ZNF536: variants seen among roughly 807,000 people sequenced by gnomAD.
ZNF536 encodes zinc finger protein 536.
In ZNF536, 13 loss-of-function variants were observed where a neutral mutation model predicts 84.5. That is an observed-to-expected ratio of 0.15 (90% CI 0.10 to 0.24). The LOEUF (loss-of-function observed/expected upper bound fraction) is 0.24, where lower values mean the gene tolerates loss of function less well. Among genes scored for constraint, ZNF536 ranks in the 10% least tolerant of loss-of-function variants. The pLI is 1.00. For missense variants in ZNF536, 1,536 were observed against 1,747.5 expected (o/e 0.88, Z 2.16); for synonymous variants, 811 against 742.5 (o/e 1.09, Z -1.50).
intron 1 of ZNF536, among the ~76,000 whole-genome samples, chr19:30,574,708 T>C (rs1015828102): frequency 1.3e-5 from 2 of 152,240 alleles, no homozygotes; most frequent in African/African-American, 4.8e-5. Context: ...GGCCAGGCCA[T>C]GTCACAGCAA....
In ZNF536 at chr19:30,324,235, T is replaced by C. The variant is rs529386310; in HGVS notation, c.-119-28133T>C. On this transcript the variant is annotated intron_variant, in intron 2 of 5. Coordinates refer to the ZNF536 transcript ENST00000585628. ...CCATCATCATCTGTCTAGCCATCCA[T>C]CCACCCATCCATCCATCCCATCCAT... Among the ~76,000 whole-genome samples the C allele has an allele frequency of 3.3e-5, 5 of 152,140 alleles. No homozygotes were observed. In the South Asian group the frequency reaches 1.0e-3, roughly 32 times the overall value.
intron 2 of ZNF536, among the ~76,000 whole-genome samples, chr19:30,446,463 A>G (rs540679909): frequency 6.6e-6 from 1 of 151,972 alleles, no homozygotes; most frequent in East Asian, 1.9e-4. Flanking sequence ...ATGAATGTGT[A>G]AGTTCCAAAC....
intron 2 of ZNF536, among the ~76,000 whole-genome samples, chr19:30,317,307 G>C (rs1334522323): frequency 6.6e-6 from 1 of 152,158 alleles, no homozygotes; most frequent in African/African-American, 2.4e-5. Context: ...GCTGGGTCCT[G>C]TCAGAGCAGG....
intron 1 of ZNF536, among the ~76,000 whole-genome samples, chr19:30,384,346 CTTCCCT>C (rs1568378803): frequency 1.0e-5 from 1 of 100,010 alleles, no homozygotes; most frequent in Non-Finnish European, 2.0e-5. Context: ...CTCCCCTCCC[CTTCCCT>C]TCCCTTCCTT....
chr19:30,568,071 C>A (rs1177269637), intron 1 of ZNF536, among the ~76,000 whole-genome samples: 1 of 152,038 alleles, frequency 6.6e-6, no homozygotes, highest in African/African-American at 2.4e-5. Context: ...TGAAGGAAAC[C>A]GCAGATGTAC....
intron 1 of ZNF536, among the ~76,000 whole-genome samples, chr19:30,628,075 C>A (rs549272432): frequency 6.6e-6 from 1 of 152,210 alleles, no homozygotes; most frequent in Non-Finnish European, 1.5e-5. Flanking sequence ...AGCCTCCTCC[C>A]GGGTGGAAGG....
chr19:30,324,583 G>T (rs2046962721), intron 2 of ZNF536, among the ~76,000 whole-genome samples: 1 of 152,044 alleles, frequency 6.6e-6, no homozygotes, highest in Non-Finnish European at 1.5e-5. Context: ...GTAGAGACGG[G>T]GTCTCACTAC....
intron 1 of ZNF536, among the ~76,000 whole-genome samples, chr19:30,688,533 G>C (rs1003959704): frequency 4.6e-5 from 7 of 152,168 alleles, no homozygotes; most frequent in African/African-American, 1.7e-4. Context: ...GCGTGTGAAT[G>C]CATATTGACA....
At chr19:30,524,302 G>T (rs1221141635) in intron 2 of ZNF536, among the ~76,000 whole-genome samples, 1 of 152,114 alleles carries the variant, frequency 6.6e-6, no homozygotes, top group African/African-American at 2.4e-5. Context: ...AATGTGTTTT[G>T]CAATAAACTG....
At chr19:30,439,959 C>CTTTTTTTTTTTTTTTTTTTTT (rs199638233) in intron 1 of ZNF536, among the ~76,000 whole-genome samples, 5 of 96,396 alleles carry the variant, frequency 5.2e-5, no homozygotes, top group South Asian at 3.8e-4. Context: ...TTCTTTCTTT[C>CTTTTTTTTTTTTTTTTTTTTT]TTTTTTTTTT....
intron 1 of ZNF536, among the ~76,000 whole-genome samples, chr19:30,383,064 C>A (rs950524961): frequency 5.9e-5 from 9 of 152,116 alleles, no homozygotes; most frequent in Admixed American, 1.3e-4. Flanking sequence ...TCAAGGTGGG[C>A]GGATCACCTG....
At chr19:30,568,143 G>A (rs1054522940) in intron 1 of ZNF536, among the ~76,000 whole-genome samples, 3 of 152,206 alleles carry the variant, frequency 2.0e-5, no homozygotes, top group African/African-American at 7.2e-5. Flanking sequence ...AGCTGGAGAA[G>A]TTTAAAGAGA....
intron 1 of ZNF536, among the ~76,000 whole-genome samples, chr19:30,578,584 C>T (rs1484611976): frequency 1.3e-5 from 2 of 152,222 alleles, no homozygotes; most frequent in African/African-American, 4.8e-5. Flanking sequence ...GGAATGAGCT[C>T]TTCCCATATT....
intron 1 of ZNF536, among the ~76,000 whole-genome samples, chr19:30,427,699 A>G (rs1385861149): frequency 1.3e-5 from 2 of 152,120 alleles, no homozygotes; most frequent in Non-Finnish European, 2.9e-5. Context: ...CTAGCTTTCC[A>G]GAATGCCCAG....
At chr19:30,329,845 G>T (rs114863196) in intron 2 of ZNF536, among the ~76,000 whole-genome samples, 19 of 152,092 alleles carry the variant, frequency 1.2e-4, no homozygotes, top group Non-Finnish European at 1.2e-4. Context: ...TTGGTGGGGG[G>T]ATACTTTCTC....
In ZNF536 at chr19:30,445,196, A is replaced by G. The variant is rs1464200492; in HGVS notation, c.1634A>G (p.Gln545Arg). ...TTCTTGTCTAAAGAGCATCCGCTGC[A>G]GCGCAACCACGAAGACACTTTGGCA... ...HGFLSKEHPL[Q>R]RNHEDTLANA... Residue 545 changes from glutamine to arginine, a missense_variant, in exon 2 of 5, where the codon CAG (glutamine) becomes CGG (arginine). Gln to Arg is a conservative substitution (Grantham distance 43). This residue lies in a region of ZNF536 where 366 missense variants were observed against 364.4 expected (regional missense o/e 1.00). Transcript: ENST00000355537. The surrounding 1 kb of genome is among the most constrained non-coding windows in gnomAD (Gnocchi z 4.5). 38 of 1,614,112 alleles carry G rather than the reference A, an allele frequency of 2.4e-5. No homozygotes were observed. The highest frequency in any genetic ancestry group is 3.1e-5 in the Non-Finnish European group (37 of 1,180,052).
downstream of ZNF536, among the ~76,000 whole-genome samples, chr19:30,562,332 T>G (rs1005536333): frequency 6.6e-6 from 1 of 152,176 alleles, no homozygotes; most frequent in Non-Finnish European, 1.5e-5. Flanking sequence ...GGCTTTCTAT[T>G]TGGGCAAGGC....
intron 2 of ZNF536, among the ~76,000 whole-genome samples, chr19:30,299,707 C>G (rs934941008): frequency 6.6e-6 from 1 of 152,106 alleles, no homozygotes; most frequent in Non-Finnish European, 1.5e-5. Context: ...GATCTATCAT[C>G]CCATGGTATA....
chr19:30,476,946 A>G (rs1411705829), intron 2 of ZNF536, among the ~76,000 whole-genome samples: 1 of 147,984 alleles, frequency 6.8e-6, no homozygotes, highest in Non-Finnish European at 1.5e-5. Flanking sequence ...TGCACTTCCT[A>G]TACTTGCTGG....
Sources: gnomAD v4.1 joint callset for allele counts (sites outside exome capture counted in the v4.1 genomes callset) on GRCh38, gnomAD v4.1.1 for gene constraint, gnomAD v4.1.1 regional missense constraint, Gnocchi (gnomAD v3.1) non-coding constraint, MANE v1.5 for transcripts, NCBI Gene and HGNC (gene_info 2026-07-23, HGNC 2026-07-21) for gene names.